Variants in P2RY8 observed in about 807,000 individuals in gnomAD.
The protein encoded by P2RY8 is P2Y receptor family member 8.
In P2RY8, 6 loss-of-function variants were observed where a neutral mutation model predicts 10.0. That is an observed-to-expected ratio of 0.60 (90% CI 0.33 to 1.19). The LOEUF is 1.19. Among genes scored for constraint, P2RY8 ranks in the 50% most tolerant of loss-of-function variants. The pLI is 0.04. For synonymous variants in P2RY8, 276 were observed against 252.5 expected (o/e 1.09, Z -0.88); for missense variants, 456 against 542.0 (o/e 0.84, Z 1.58).
chrX:1,496,768 GC>G (rs2092120974), intron 1 of P2RY8, among the ~76,000 whole-genome samples: 1 of 131,664 alleles, frequency 7.6e-6, no homozygotes, highest in South Asian at 2.3e-4. Flanking sequence ...CGCGATGTCG[GC>G]TCCCTGCAAC....
intron 1 of P2RY8, among the ~76,000 whole-genome samples, chrX:1,536,252 A>G (rs2092525556): frequency 6.6e-6 from 1 of 151,568 alleles, no homozygotes; most frequent in Non-Finnish European, 1.5e-5. Context: ...CATTTCATGG[A>G]ATGAGTTTTT....
intron 1 of P2RY8, among the ~76,000 whole-genome samples, chrX:1,471,308 CATTTTTTT>C (rs2091782689): frequency 1.4e-5 from 1 of 71,110 alleles, no homozygotes; most frequent in South Asian, 4.6e-4. Flanking sequence ...GCGCCCAGCC[CATTTTTTT>C]TTTTTTTTTT....
intron 1 of P2RY8, among the ~76,000 whole-genome samples, chrX:1,535,716 G>GACACACACACACACAC (rs770470429): frequency 6.8e-6 from 1 of 146,202 alleles, no homozygotes; most frequent in Admixed American, 6.8e-5. Flanking sequence ...CACACACACA[G>GACACACACACACACAC]ACACACACAC....
chrX:1,517,290 A>T (rs755580494), intron 1 of P2RY8, among the ~76,000 whole-genome samples: 2 of 152,166 alleles, frequency 1.3e-5, no homozygotes, highest in East Asian at 1.9e-4. Context: ...CAGGGAGGAG[A>T]CAGCATCTAC....
intron 1 of P2RY8, among the ~76,000 whole-genome samples, chrX:1,481,619 T>A (rs2091936581): frequency 6.6e-6 from 1 of 151,840 alleles, no homozygotes; most frequent in East Asian, 1.9e-4. Context: ...GAGTCCAGCT[T>A]TGGGATTAGG....
chrX:1,529,075 C>T (rs139383251), intron 1 of P2RY8, among the ~76,000 whole-genome samples: 10 of 152,150 alleles, frequency 6.6e-5, no homozygotes, highest in Non-Finnish European at 1.0e-4. Flanking sequence ...GGCAGATAAG[C>T]ATGTTTGATG....
intron 1 of P2RY8, among the ~76,000 whole-genome samples, chrX:1,489,165 G>C (rs763571368): frequency 6.6e-6 from 1 of 152,236 alleles, no homozygotes; most frequent in African/African-American, 2.4e-5. Context: ...CAAAAGTGGA[G>C]GGAATGAATG....
intron 1 of P2RY8, among the ~76,000 whole-genome samples, chrX:1,475,029 GGGTAGATGGATGGGTAGATGGA>G (rs2091860017): frequency 6.7e-6 from 1 of 148,958 alleles, no homozygotes; most frequent in Non-Finnish European, 1.5e-5. Flanking sequence ...GGATGAGGAT[GGGTAGATGGATGGGTAGATGGA>G]TAGACGGGTG....
At chrX:1,526,745 T>C (rs2092442923) in intron 1 of P2RY8, among the ~76,000 whole-genome samples, 1 of 152,084 alleles carries the variant, frequency 6.6e-6, no homozygotes, top group South Asian at 2.1e-4. Context: ...ACTCATTCAT[T>C]CATCCATTTA....
At chrX:1,496,603 A>G (rs5989764) in intron 1 of P2RY8, among the ~76,000 whole-genome samples, 74,090 of 151,560 alleles carry the variant, frequency 0.49, 18,600 homozygotes, top group East Asian at 0.61. Context: ...CCCTTAAAAC[A>G]TTCAGTCAGC....
intron 1 of P2RY8, among the ~76,000 whole-genome samples, chrX:1,518,154 G>A (rs1453540077): frequency 4.6e-5 from 7 of 151,102 alleles, no homozygotes; most frequent in East Asian, 3.9e-4. Flanking sequence ...GGCCGGGCGC[G>A]GTGGCTCACG....
intron 1 of P2RY8, 104 bp downstream of exon 1, chrX:1,536,817 C>T (rs141492934): frequency 1.6e-4 from 31 of 198,048 alleles, no homozygotes; most frequent in African/African-American, 6.9e-4. Flanking sequence ...ATGGAGTTTG[C>T]ACCGTCTTCC....
intron 1 of P2RY8, among the ~76,000 whole-genome samples, chrX:1,488,926 A>G (rs757125674): frequency 6.6e-6 from 1 of 151,920 alleles, no homozygotes; most frequent in Non-Finnish European, 1.5e-5. Flanking sequence ...GTTCACTCCC[A>G]CAAATGTGGA....
chrX:1,481,469 G>T (rs1241343120), intron 1 of P2RY8, among the ~76,000 whole-genome samples: 2 of 152,108 alleles, frequency 1.3e-5, no homozygotes, highest in South Asian at 4.1e-4. Context: ...CGGCCAGGTA[G>T]TCACATTTTC....
intron 1 of P2RY8, among the ~76,000 whole-genome samples, chrX:1,510,604 G>A (rs1259017618): frequency 1.1e-4 from 17 of 152,046 alleles, no homozygotes; most frequent in African/African-American, 3.1e-4. Flanking sequence ...ACAGCCAGGC[G>A]CAGTGGCTCA....
At position 1,516,610 on chromosome X, in the gene P2RY8, A is replaced by G. The variant is rs71212486; in HGVS notation, c.-25+20311T>C. Among the ~76,000 whole-genome samples, 182 of 151,724 alleles carry G rather than the reference A, an allele frequency of 1.2e-3. No homozygotes were observed. In the South Asian group the frequency reaches 0.014, roughly 12 times the overall value. The stretch of plus-strand genomic sequence containing the variant: ...GATGGCGTCTCCAAGTCCAGGAGAG[A>G]GGCCTCAGGAGGAACCAGCCCTGCC... On this transcript the variant is annotated intron_variant, in intron 1 of 1. Transcript: ENST00000381297.
intron 1 of P2RY8, among the ~76,000 whole-genome samples, chrX:1,483,788 C>T (rs2091960789): frequency 6.6e-6 from 1 of 151,918 alleles, no homozygotes; most frequent in Non-Finnish European, 1.5e-5. Context: ...TTGGACTCCC[C>T]TAAACCCAAA....
intron 1 of P2RY8, among the ~76,000 whole-genome samples, chrX:1,535,716 G>GACACACACAC (rs770470429): frequency 3.3e-4 from 49 of 146,308 alleles, no homozygotes; most frequent in African/African-American, 1.2e-3. Context: ...CACACACACA[G>GACACACACAC]ACACACACAC....
chrX:1,466,651 C>T (rs1198015950), intron 1 of P2RY8, 69 bp from the exon 2 acceptor site: 2 of 1,447,192 alleles, frequency 1.4e-6, no homozygotes, highest in Non-Finnish European at 1.9e-6. Flanking sequence ...CGGGAGGGCT[C>T]CTGAGCGCCG....
Sources: allele counts gnomAD v4.1 joint callset (sites outside exome capture counted in the v4.1 genomes callset), GRCh38; gene constraint gnomAD v4.1.1; transcripts MANE v1.5; gene names NCBI Gene and HGNC (gene_info 2026-07-23, HGNC 2026-07-21).